PAM: variants seen among roughly 807,000 people sequenced by gnomAD.
PAM encodes the protein peptidyl-glycine alpha-amidating monooxygenase.
In PAM, 72 loss-of-function variants were observed where a neutral mutation model predicts 122.1. That is an observed-to-expected ratio of 0.59 (90% confidence interval 0.49 to 0.72). The LOEUF (loss-of-function observed/expected upper bound fraction) is 0.72. Among genes scored for constraint, PAM ranks in the 30% least tolerant of loss-of-function variants. PAM has a pLI of 0.00. For missense variants in PAM, 1,106 were observed against 1,183.7 expected (o/e 0.93, Z 0.96); for synonymous variants, 389 against 404.4 (o/e 0.96, Z 0.46).
At chr5:102,965,150 T>A (rs1407226005) in intron 14 of PAM, among the ~76,000 whole-genome samples, 1 of 140,500 alleles carries the variant, frequency 7.1e-6, no homozygotes, top group Non-Finnish European at 1.5e-5. Flanking sequence ...CACACTGATG[T>A]CTTCCAAAGC....
At chr5:102,777,423 C>T (rs1757460263) in intron 1 of PAM, among the ~76,000 whole-genome samples, 1 of 152,050 alleles carries the variant, frequency 6.6e-6, no homozygotes, top group South Asian at 2.1e-4. Flanking sequence ...AATTGAAGCT[C>T]CTTAGGTTGG....
At chr5:102,874,040 C>A (rs1042401962) in intron 3 of PAM, among the ~76,000 whole-genome samples, 7 of 152,112 alleles carry the variant, frequency 4.6e-5, no homozygotes, top group African/African-American at 1.7e-4. Flanking sequence ...AATGCTGTAT[C>A]TCCTCCCTCC....
intron 1 of PAM, among the ~76,000 whole-genome samples, chr5:102,773,495 T>C (rs1471706793): frequency 6.6e-6 from 1 of 152,114 alleles, no homozygotes; most frequent in Admixed American, 6.6e-5. Context: ...TGAAATTAAA[T>C]TTTATATGAT....
intron 5 of PAM, among the ~76,000 whole-genome samples, chr5:102,917,982 A>G (rs1170093385): frequency 6.6e-6 from 1 of 152,162 alleles, no homozygotes; most frequent in Non-Finnish European, 1.5e-5. Context: ...CACATTGGCA[A>G]TGTGTCTAGT....
At chr5:102,863,361 C>A (rs1429465724) in intron 1 of PAM, among the ~76,000 whole-genome samples, 1 of 152,124 alleles carries the variant, frequency 6.6e-6, no homozygotes. Flanking sequence ...CTCTAACTGT[C>A]CTCCAAGGCT....
intron 1 of PAM, among the ~76,000 whole-genome samples, chr5:102,859,267 T>C (rs1421068810): frequency 6.6e-6 from 1 of 152,046 alleles, no homozygotes; most frequent in Non-Finnish European, 1.5e-5. Flanking sequence ...CAGAAGACCT[T>C]CTGGTGGGAC....
intron 15 of PAM, among the ~76,000 whole-genome samples, chr5:102,975,159 G>A (rs759203276): frequency 1.3e-5 from 2 of 152,122 alleles, no homozygotes; most frequent in Admixed American, 6.5e-5. Context: ...TATTGATTGC[G>A]TTTCATGTTA....
chr5:102,997,577 C>T (rs1776121975), intron 16 of PAM, among the ~76,000 whole-genome samples: 1 of 151,782 alleles, frequency 6.6e-6, no homozygotes, highest in Non-Finnish European at 1.5e-5. Flanking sequence ...TATTTTTCTT[C>T]CCATTCCTTC....
chr5:102,897,271 A>C (rs955067414), intron 3 of PAM, among the ~76,000 whole-genome samples: 1 of 151,586 alleles, frequency 6.6e-6, no homozygotes, highest in Admixed American at 6.6e-5. Flanking sequence ...TTGGATTTAA[A>C]ATGTACACAA....
At chr5:102,857,029 T>C (rs904241115) in intron 1 of PAM, among the ~76,000 whole-genome samples, 6 of 152,186 alleles carry the variant, frequency 3.9e-5, no homozygotes, top group Non-Finnish European at 8.8e-5. Context: ...GGGTGAAGTT[T>C]ATCTTCCTAG....
intron 1 of PAM, among the ~76,000 whole-genome samples, chr5:102,814,237 C>G (rs996841251): frequency 1.3e-5 from 2 of 152,094 alleles, no homozygotes; most frequent in African/African-American, 2.4e-5. Flanking sequence ...ATTTATGCTG[C>G]AATTTAAGCT....
chr5:103,020,890 A>G (rs965969141), intron 23 of PAM, among the ~76,000 whole-genome samples: 3 of 152,184 alleles, frequency 2.0e-5, no homozygotes, highest in African/African-American at 7.2e-5. Flanking sequence ...TGGCATTTGT[A>G]GAGATCCAAG....
intron 1 of PAM, among the ~76,000 whole-genome samples, chr5:102,842,205 A>AATACATATATATATATATATAT (rs370265534): frequency 7.0e-6 from 1 of 143,042 alleles, no homozygotes; most frequent in African/African-American, 2.6e-5. Flanking sequence ...ATACAACCTA[A>AATACATATATATATATATATAT]ATATATATAT....
chr5:103,005,027 T>A, intron 17 of PAM, 127 bp from the exon 18 acceptor site: 1 of 613,998 alleles, frequency 1.6e-6, no homozygotes, highest in Non-Finnish European at 3.0e-6. Context: ...TTCTTTTCTA[T>A]AATAATGCAA....
In PAM at chr5:102,867,355, G is replaced by T. The variant is rs201199380; in HGVS notation, c.172G>T (p.Ala58Ser). The change falls in exon 3 of 26, where the codon GCA becomes TCA. Residue 58 changes from alanine to serine, a missense_variant. By Grantham distance (99) the Ala-to-Ser change is moderately conservative. This residue lies in a region of PAM where 670 missense variants were observed against 690.3 expected (regional missense o/e 0.97). Coordinates refer to ENST00000438793, the MANE Select transcript of PAM (RefSeq NM_001177306.2). The part of the protein sequence containing the change: ...PVVPIDSSDF[A>S]LDIRMPGVTP... ...AGTTCCTATTGATTCATCAGATTTT[G>T]CATTGGATATTCGCATGCCTGGGGT... is the stretch of plus-strand genomic sequence containing the variant. 1.2e-6 allele frequency: 2 copies of T among 1,608,890 alleles called. No homozygotes were observed. The highest frequency in any genetic ancestry group is 1.7e-5 in the Admixed American group (1 of 59,982).
At chr5:102,803,744 T>G (rs1002597030) in intron 1 of PAM, among the ~76,000 whole-genome samples, 11 of 152,246 alleles carry the variant, frequency 7.2e-5, no homozygotes, top group Admixed American at 6.5e-4. Context: ...TAATAAATTT[T>G]GTATTTATTT....
At chr5:102,839,083 A>G (rs1343447653) in intron 1 of PAM, among the ~76,000 whole-genome samples, 2 of 152,174 alleles carry the variant, frequency 1.3e-5, no homozygotes, top group African/African-American at 2.4e-5. Context: ...CAATAGCTGT[A>G]AACTCCTGTA....
intron 23 of PAM, among the ~76,000 whole-genome samples, chr5:103,021,470 G>A (rs997380217): frequency 2.6e-5 from 4 of 152,114 alleles, no homozygotes; most frequent in South Asian, 2.1e-4. Context: ...CATCTTAGCC[G>A]GTCAATGATG....
At chr5:102,998,748 T>TA (rs888705997) in intron 16 of PAM, among the ~76,000 whole-genome samples, 6 of 152,098 alleles carry the variant, frequency 3.9e-5, no homozygotes, top group Admixed American at 3.3e-4. Flanking sequence ...AAATTTCCAT[T>TA]AAAAAAAGAG....
Sources: allele counts gnomAD v4.1 joint callset (sites outside exome capture counted in the v4.1 genomes callset), GRCh38; gene constraint gnomAD v4.1.1; regional missense constraint gnomAD v4.1.1; transcripts MANE v1.5; gene names NCBI Gene and HGNC (gene_info 2026-07-23, HGNC 2026-07-21).